Variants in TACC2 observed in about 807,000 individuals in gnomAD.
TACC2 encodes the protein transforming acidic coiled-coil-containing protein 2.
Under a neutral mutation model 227.3 loss-of-function variants are expected in TACC2, and 137 were observed. The ratio of observed to expected loss-of-function variants is 0.60; its 90% CI spans 0.52 to 0.69. The LOEUF (loss-of-function observed/expected upper bound fraction) is 0.69. Among genes scored for constraint, TACC2 ranks in the 30% least tolerant of loss-of-function variants. The probability of loss-of-function intolerance (pLI) is 0.00; values close to 1 mark genes in which losing one functional copy is unlikely to be tolerated. For synonymous variants in TACC2, 1,523 were observed against 1,487.5 expected (o/e 1.02, Z -0.55); for missense variants, 3,470 against 3,694.4 (o/e 0.94, Z 1.57).
At chr10:122,007,957 T>G (rs1245007499) in intron 1 of TACC2, among the ~76,000 whole-genome samples, 1 of 152,190 alleles carries the variant, frequency 6.6e-6, no homozygotes, top group Non-Finnish European at 1.5e-5. Context: ...TCTTGCCATG[T>G]GATGCCTCTG....
rs143666237 is a variant in TACC2, at chr10:122,087,592, G to T, written c.5092G>T (p.Val1698Leu). 1.2e-3 allele frequency: 1,906 copies of T among 1,613,694 alleles called. 16 individuals are homozygous for T. In the African/African-American group the frequency reaches 0.023, roughly 19 times the overall value. Residue 1698 changes from valine to leucine, a missense_variant, in exon 4 of 23, where the codon GTG (valine) becomes TTG (leucine). By Grantham distance (32) the Val-to-Leu change is conservative (BLOSUM62 1). Around this residue, in one of 10 missense-constraint regions of TACC2, gnomAD observed 1,924 missense variants for 1,978.3 expected, o/e 0.97. Coordinates refer to ENST00000369005, the MANE Select transcript of TACC2 (RefSeq NM_206862.4). ...VADTPLEPGK[V>L]AGAAGEAEGD... ...AGACACTCCCCTGGAGCCTGGCAAG[G>T]TGGCAGGCGCTGCTGGGGAAGCAGA... is the stretch of plus-strand genomic sequence containing the variant.
chr10:122,175,309 C>T (rs1033173324), intron 7 of TACC2, among the ~76,000 whole-genome samples: 8 of 152,152 alleles, frequency 5.3e-5, no homozygotes, highest in Non-Finnish European at 2.9e-5. Context: ...CACTGAAACA[C>T]TGATGCATTG....
At chr10:122,031,830 G>A (rs1294126620) in intron 2 of TACC2, among the ~76,000 whole-genome samples, 2 of 152,054 alleles carry the variant, frequency 1.3e-5, no homozygotes, top group African/African-American at 4.8e-5. Flanking sequence ...TCAGCCTCCC[G>A]AGTAGCTGGG....
chr10:122,201,068 G>A, intron 8 of TACC2, among the ~76,000 whole-genome samples: 1 of 144,638 alleles, frequency 6.9e-6, no homozygotes, highest in African/African-American at 2.8e-5. Flanking sequence ...TCTACAGTGA[G>A]AGGACGGCCA....
At chr10:122,234,130 G>A (rs2141534981) in intron 16 of TACC2, among the ~76,000 whole-genome samples, 3 of 152,302 alleles carry the variant, frequency 2.0e-5, no homozygotes, top group Admixed American at 2.0e-4. Flanking sequence ...CCCCAGAATT[G>A]GCCTCTCTCT....
rs1403077113 is a variant in TACC2 at position 122,095,280 on chromosome 10, C to T, written c.5573+6689C>T. ...TCTGAGGTCTAGGGTGTGACAAGCA[C>T]AGGCCTCAAGAGTTGACAGGGCTCA... On this transcript the variant is annotated intron_variant, in intron 5 of 22. Transcript: ENST00000369005. 2.6e-5 allele frequency among the ~76,000 whole-genome samples: 4 copies of T among 152,228 alleles called. No homozygotes were observed. In the East Asian group the frequency reaches 7.7e-4, roughly 29 times the overall value.
chr10:122,008,246 G>GTTATTATTA (rs1554958021), intron 1 of TACC2, among the ~76,000 whole-genome samples: 5,097 of 111,812 alleles, frequency 0.046, 167 homozygotes, highest in East Asian at 0.12. Flanking sequence ...CTATCCCTTT[G>GTTATTATTA]TTATTATTAT....
Position 122,086,508 on chromosome 10 carries a change from CAAGGGCAAGCAGGCAACAGGG to C in TACC2, c.4009_4029del (p.Lys1337_Gly1343del). 6.2e-7 allele frequency: 1 copy of C among 1,613,208 alleles called. No homozygotes were observed. Among genetic ancestry groups the C allele is most frequent in the Non-Finnish European group, 8.5e-7 (1 of 1,179,760 alleles). On this transcript the variant is annotated inframe_deletion, in exon 4 of 23. Coordinates refer to ENST00000369005, the MANE Select transcript of TACC2 (RefSeq NM_206862.4). ...GCCTGGACCGGATGCCACTTCTGGC[CAAGGGCAAGCAGGCAACAGGG>C]GAAGAGAAAGCAGCAACAGCTCCAG... is the stretch of plus-strand genomic sequence containing the variant.
chr10:121,990,204 G>A (rs564028987), intron 1 of TACC2, among the ~76,000 whole-genome samples: 90 of 151,670 alleles, frequency 5.9e-4, no homozygotes, highest in Middle Eastern at 6.8e-3. Flanking sequence ...TCGACCTCCC[G>A]GGCTAACGCA....
chr10:122,084,986 A>G lies in TACC2; in HGVS notation c.2486A>G (p.His829Arg). ...TGGCCCCTACTATCTTCTGAGAAGC[A>G]TCTCCAGCCATCCCAGGCACAACCA... The part of the protein sequence containing the change: ...SEWPLLSSEK[H>R]LQPSQAQPET... The change falls in exon 4 of 23, where the codon CAT becomes CGT. Residue 829 changes from histidine to arginine, a missense_variant. By Grantham distance (29) the His-to-Arg change is conservative (BLOSUM62 0). Around this residue, in one of 10 missense-constraint regions of TACC2, gnomAD observed 1,924 missense variants for 1,978.3 expected, o/e 0.97. Coordinates refer to ENST00000369005, the MANE Select transcript of TACC2 (RefSeq NM_206862.4). The G allele has an allele frequency of 1.2e-6, 2 of 1,614,178 alleles. No individual in the cohort carries two copies. Among genetic ancestry groups the G allele is most frequent in the Non-Finnish European group, 8.5e-7 (1 of 1,180,028 alleles).
In TACC2 at chr10:122,011,454, C is replaced by T. The variant is rs572032573; in HGVS notation, c.-45-10483C>T. Among the ~76,000 whole-genome samples, 247 of 152,234 alleles carry T rather than the reference C, an allele frequency of 1.6e-3. 1 individual carries two copies. Among genetic ancestry groups the T allele is most frequent in the Non-Finnish European group, 3.0e-3 (206 of 68,004 alleles). On this transcript the variant is annotated intron_variant, in intron 1 of 22. Coordinates refer to ENST00000369005, the MANE Select transcript of TACC2 (RefSeq NM_206862.4). ...AAGCGATTCTCCTGCCTTAGCCTCC[C>T]GAGTAGCTGGGACTACAGGTGCACG...
At chr10:122,214,872 A>C (rs1046430204) in intron 9 of TACC2, among the ~76,000 whole-genome samples, 14 of 152,064 alleles carry the variant, frequency 9.2e-5, no homozygotes, top group Admixed American at 8.5e-4. Context: ...GAATCCATTG[A>C]GCTCAAAGAT....
chr10:122,193,249 G>C (rs373423748), intron 7 of TACC2, among the ~76,000 whole-genome samples: 18 of 152,298 alleles, frequency 1.2e-4, no homozygotes, highest in East Asian at 7.7e-4. Context: ...AAGGTCCTTG[G>C]GGGGTGGAGG....
intron 5 of TACC2, among the ~76,000 whole-genome samples, chr10:122,091,700 C>T (rs1056397945): frequency 2.0e-5 from 3 of 152,098 alleles, no homozygotes; most frequent in Non-Finnish European, 2.9e-5. Flanking sequence ...AAGCCGTGCA[C>T]GTGGACCTGG....
At chr10:122,104,303 G>A (rs1246691864) in intron 5 of TACC2, among the ~76,000 whole-genome samples, 1 of 151,928 alleles carries the variant, frequency 6.6e-6, no homozygotes, top group Admixed American at 6.6e-5. Context: ...TACACTACTT[G>A]TGTTATTATC....
intron 3 of TACC2, among the ~76,000 whole-genome samples, chr10:122,053,518 C>T (rs1475222835): frequency 6.6e-6 from 1 of 152,160 alleles, no homozygotes; most frequent in East Asian, 1.9e-4. Context: ...TCATCCATTC[C>T]CTCCCCAACC....
At chr10:122,056,559 G>A (rs112398778) in intron 3 of TACC2, among the ~76,000 whole-genome samples, 10 of 152,300 alleles carry the variant, frequency 6.6e-5, no homozygotes, top group South Asian at 2.1e-4. Context: ...ATTCTGCCAC[G>A]CGGCTGTGTG....
At chr10:122,232,224 A>C (rs2095767342) in intron 16 of TACC2, among the ~76,000 whole-genome samples, 2 of 152,232 alleles carry the variant, frequency 1.3e-5, no homozygotes, top group African/African-American at 4.8e-5. Context: ...ATTTATTTCT[A>C]GACATCCTTG....
At chr10:122,115,677 G>A (rs2084567395) in intron 5 of TACC2, among the ~76,000 whole-genome samples, 1 of 152,216 alleles carries the variant, frequency 6.6e-6, no homozygotes, top group Admixed American at 6.5e-5. Context: ...TGGGCTGTAA[G>A]CGTAGATGAG....
Sources: gnomAD v4.1 joint callset for allele counts (sites outside exome capture counted in the v4.1 genomes callset) on GRCh38, gnomAD v4.1.1 for gene constraint, gnomAD v4.1.1 regional missense constraint, MANE v1.5 for transcripts, NCBI Gene and HGNC (gene_info 2026-07-23, HGNC 2026-07-21) for gene names.